The following PHACTR1 variants were observed in gnomAD, a reference collection of about 807,000 sequenced individuals.
PHACTR1 encodes RPEL repeat containing 1.
In PHACTR1, 16 loss-of-function variants were observed where a neutral mutation model predicts 69.2. The observed-to-expected ratio is 0.23, with a 90% CI of 0.16 to 0.35. The LOEUF is 0.35. PHACTR1 is among the 10% of genes least tolerant of loss of function. The probability of loss-of-function intolerance (pLI) is 1.00; values close to 1 mark genes in which losing one functional copy is unlikely to be tolerated. For synonymous variants in PHACTR1, 312 were observed against 284.5 expected (o/e 1.10, Z -0.97); for missense variants, 510 against 734.7 (o/e 0.69, Z 3.54).
chr6:13,020,202 G>T (rs888504227), intron 4 of PHACTR1, among the ~76,000 whole-genome samples: 1 of 152,172 alleles, frequency 6.6e-6, no homozygotes, highest in Non-Finnish European at 1.5e-5. Flanking sequence ...AAGAAGAAGT[G>T]AATTATAGAG....
intron 4 of PHACTR1, among the ~76,000 whole-genome samples, chr6:13,020,630 C>A (rs1351914797): frequency 6.6e-6 from 1 of 152,134 alleles, no homozygotes; most frequent in Non-Finnish European, 1.5e-5. Flanking sequence ...AGGACAAAGA[C>A]CAAGGGTAGA....
At chr6:12,776,644 C>T (rs1365105157) in intron 4 of PHACTR1, among the ~76,000 whole-genome samples, 3 of 152,200 alleles carry the variant, frequency 2.0e-5, no homozygotes, top group African/African-American at 7.2e-5. Flanking sequence ...AGTAAAATCC[C>T]ACTTAACGAT....
intron 4 of PHACTR1, among the ~76,000 whole-genome samples, chr6:12,893,698 A>G (rs1784371660): frequency 6.6e-6 from 1 of 152,052 alleles, no homozygotes; most frequent in South Asian, 2.1e-4. Flanking sequence ...AACTATATAT[A>G]TATACAGTAT....
intron 5 of PHACTR1, among the ~76,000 whole-genome samples, chr6:13,112,289 T>C (rs1817171346): frequency 1.3e-5 from 2 of 152,208 alleles, no homozygotes; most frequent in Admixed American, 6.5e-5. Context: ...TGATGAGCGT[T>C]TAGGTTGATT....
chr6:13,117,513 AC>A (rs1817987722), intron 5 of PHACTR1, among the ~76,000 whole-genome samples: 1 of 152,138 alleles, frequency 6.6e-6, no homozygotes, highest in African/African-American at 2.4e-5. Context: ...AATTCCCATC[AC>A]CATCTGACCT....
intron 5 of PHACTR1, among the ~76,000 whole-genome samples, chr6:13,070,761 T>C (rs1809377735): frequency 6.6e-6 from 1 of 151,994 alleles, no homozygotes; most frequent in African/African-American, 2.4e-5. Context: ...AATTCTGGAT[T>C]CCCAAGGCAG....
chr6:13,086,588 A>G (rs1033691803), intron 5 of PHACTR1, among the ~76,000 whole-genome samples: 1 of 152,170 alleles, frequency 6.6e-6, no homozygotes, highest in African/African-American at 2.4e-5. Flanking sequence ...GGAATTATGT[A>G]GCACGTAGCA....
At chr6:12,883,162 C>T (rs1783269702) in intron 4 of PHACTR1, among the ~76,000 whole-genome samples, 1 of 152,126 alleles carries the variant, frequency 6.6e-6, no homozygotes, top group Non-Finnish European at 1.5e-5. Flanking sequence ...TGAGGGAGAG[C>T]CAGCTGGATT....
chr6:13,142,579 ATAATG>A (rs1822660946), intron 5 of PHACTR1, among the ~76,000 whole-genome samples: 1 of 152,180 alleles, frequency 6.6e-6, no homozygotes, highest in African/African-American at 2.4e-5. Context: ...ATTTTTTAAT[ATAATG>A]TAAGGTAGGG....
At chr6:13,261,482 T>C (rs1296327933) in intron 10 of PHACTR1, among the ~76,000 whole-genome samples, 6 of 152,064 alleles carry the variant, frequency 3.9e-5, no homozygotes, top group African/African-American at 1.2e-4. Context: ...GTTCAAAAGA[T>C]AAAAAAATAT....
At chr6:13,200,698 C>A in intron 7 of PHACTR1, among the ~76,000 whole-genome samples, 1 of 151,342 alleles carries the variant, frequency 6.6e-6, no homozygotes, top group East Asian at 1.9e-4. Context: ...CTTTGGGAGG[C>A]CGGGGTGGGT....
intron 3 of PHACTR1, among the ~76,000 whole-genome samples, chr6:12,742,019 T>C (rs527572793): frequency 1.1e-4 from 17 of 152,340 alleles, no homozygotes; most frequent in African/African-American, 4.1e-4. Context: ...TTTGATGCTA[T>C]TATAAATGGT....
chr6:13,028,011 C>T (rs115597027), intron 4 of PHACTR1, among the ~76,000 whole-genome samples: 4,247 of 152,238 alleles, frequency 0.028, 127 homozygotes, highest in Admixed American at 0.08. Context: ...GAAAACTGAG[C>T]GGAACAAAGT....
chr6:13,016,980 A>C (rs1403208984), intron 4 of PHACTR1, among the ~76,000 whole-genome samples: 3 of 152,174 alleles, frequency 2.0e-5, no homozygotes, highest in African/African-American at 7.2e-5. Flanking sequence ...TGAGGTCAAG[A>C]GTTTGAGACC....
intron 4 of PHACTR1, among the ~76,000 whole-genome samples, chr6:12,997,132 A>G (rs1389640583): frequency 6.6e-6 from 1 of 151,812 alleles, no homozygotes; most frequent in African/African-American, 2.4e-5. Flanking sequence ...CCGCCATTGC[A>G]CTCTAGCCTG....
At chr6:12,917,462 T>C (rs1787137109) in intron 4 of PHACTR1, among the ~76,000 whole-genome samples, 1 of 152,128 alleles carries the variant, frequency 6.6e-6, no homozygotes, top group Non-Finnish European at 1.5e-5. Context: ...GAGTCATAAA[T>C]GACAAGCAGG....
chr6:13,193,958 A>T (rs1330528532), intron 7 of PHACTR1, among the ~76,000 whole-genome samples: 2 of 152,154 alleles, frequency 1.3e-5, no homozygotes, highest in East Asian at 3.9e-4. Flanking sequence ...CGGTCTCCCT[A>T]GGAGCAGCAG....
chr6:12,966,175 G>A (rs755389765), intron 4 of PHACTR1, among the ~76,000 whole-genome samples: 168 of 152,142 alleles, frequency 1.1e-3, no homozygotes, highest in Non-Finnish European at 2.1e-3. Context: ...GTTGCAGGGA[G>A]GGTAGGAAGC....
At chr6:13,198,558 GGAA>G (rs1299711246) in intron 7 of PHACTR1, among the ~76,000 whole-genome samples, 1 of 151,722 alleles carries the variant, frequency 6.6e-6, no homozygotes, top group East Asian at 1.9e-4. Flanking sequence ...GGCCCACATT[GGAA>G]GAAGAAGAAT....
Sources: gnomAD v4.1 joint callset for allele counts (sites outside exome capture counted in the v4.1 genomes callset) on GRCh38, gnomAD v4.1.1 for gene constraint, MANE v1.5 for transcripts, NCBI Gene and HGNC (gene_info 2026-07-23, HGNC 2026-07-21) for gene names.